Variants in SCD5 observed in about 807,000 individuals in gnomAD.
SCD5 encodes acyl-CoA-desaturase 4.
A neutral mutation model predicts 30.4 loss-of-function variants in SCD5; 20 were observed. The observed-to-expected ratio is 0.66, with a 90% confidence interval of 0.46 to 0.96. The LOEUF (loss-of-function observed/expected upper bound fraction) is 0.96. SCD5 is among the 40% of genes least tolerant of loss of function. The pLI is 0.00. For synonymous variants in SCD5, 173 were observed against 176.4 expected (o/e 0.98, Z 0.16); for missense variants, 381 against 443.3 (o/e 0.86, Z 1.26).
At chr4:82,788,804 A>G (rs1022929192) in intron 1 of SCD5, among the ~76,000 whole-genome samples, 10 of 152,220 alleles carry the variant, frequency 6.6e-5, no homozygotes, top group African/African-American at 2.4e-4. Context: ...TTCTCCTTCC[A>G]TAGGACATTG....
chr4:82,779,133 G>A (rs1238679893), intron 1 of SCD5, among the ~76,000 whole-genome samples: 2 of 151,630 alleles, frequency 1.3e-5, no homozygotes, highest in Non-Finnish European at 3.0e-5. Flanking sequence ...CCAAAGCGCT[G>A]GGATTACAGG....
chr4:82,702,685 C>T (rs191776744), intron 2 of SCD5, among the ~76,000 whole-genome samples: 1 of 152,048 alleles, frequency 6.6e-6, no homozygotes, highest in Non-Finnish European at 1.5e-5. Flanking sequence ...ATGACCATTC[C>T]GGTGAAGGAG....
chr4:82,780,917 GTGCTT>G (rs573548569), intron 1 of SCD5, among the ~76,000 whole-genome samples: 3 of 152,242 alleles, frequency 2.0e-5, no homozygotes, highest in African/African-American at 4.8e-5. Flanking sequence ...TGCTTTCACA[GTGCTT>G]TGTATTTCCT....
At chr4:82,657,968 T>C (rs1727900088) in intron 3 of SCD5, among the ~76,000 whole-genome samples, 1 of 152,226 alleles carries the variant, frequency 6.6e-6, no homozygotes, top group African/African-American at 2.4e-5. Flanking sequence ...ATCGCTGAAG[T>C]TGCTTATCAG....
intron 3 of SCD5, among the ~76,000 whole-genome samples, chr4:82,664,613 C>A (rs1728127253): frequency 6.6e-6 from 1 of 152,082 alleles, no homozygotes; most frequent in South Asian, 2.1e-4. Flanking sequence ...GAGATTTTAT[C>A]AATGTCTAAT....
At chr4:82,652,320 C>G (rs543828974) in intron 3 of SCD5, among the ~76,000 whole-genome samples, 90 of 152,288 alleles carry the variant, frequency 5.9e-4, no homozygotes, top group African/African-American at 2.1e-3. Flanking sequence ...CATAATTAAG[C>G]AAGCACAGTT....
At chr4:82,641,753 G>A (rs578226888) in intron 3 of SCD5, among the ~76,000 whole-genome samples, 3 of 152,248 alleles carry the variant, frequency 2.0e-5, no homozygotes, top group Admixed American at 2.0e-4. Flanking sequence ...GAATATGGTG[G>A]CCTGAACCTG....
intron 1 of SCD5, among the ~76,000 whole-genome samples, chr4:82,738,663 T>C (rs1720805150): frequency 6.6e-6 from 1 of 152,160 alleles, no homozygotes; most frequent in African/African-American, 2.4e-5. Context: ...AGGATCCTGG[T>C]AGACCATAGA....
intron 1 of SCD5, among the ~76,000 whole-genome samples, chr4:82,708,202 CTTGTATACATTAAATAGGTGAG>C (rs1720008042): frequency 6.6e-6 from 1 of 152,094 alleles, no homozygotes; most frequent in Non-Finnish European, 1.5e-5. Context: ...AAACAAATGA[CTTGTATACATTAAATAGGTGAG>C]TTGTACAGTA....
At chr4:82,675,843 T>G (rs577776077) in intron 3 of SCD5, among the ~76,000 whole-genome samples, 4 of 152,234 alleles carry the variant, frequency 2.6e-5, no homozygotes, top group Non-Finnish European at 5.9e-5. Context: ...GAATATGAGA[T>G]GACAAATCGC....
At chr4:82,687,173 GAAAAAAAAA>G (rs58937590) in intron 2 of SCD5, among the ~76,000 whole-genome samples, 4,042 of 108,706 alleles carry the variant, frequency 0.037, 240 homozygotes, top group African/African-American at 0.13. Flanking sequence ...CTTGTTACAA[GAAAAAAAAA>G]AAAAAAAGAA....
chr4:82,776,457 G>A (rs1456617606), intron 1 of SCD5, among the ~76,000 whole-genome samples: 1 of 152,200 alleles, frequency 6.6e-6, no homozygotes, highest in East Asian at 1.9e-4. Flanking sequence ...GGGAAAAACT[G>A]AACATGGTTG....
chr4:82,762,019 C>T (rs963493895), intron 1 of SCD5, among the ~76,000 whole-genome samples: 2 of 151,596 alleles, frequency 1.3e-5, no homozygotes, highest in African/African-American at 4.8e-5. Context: ...CAAAAAAATA[C>T]AAAAAGTAGC....
At chr4:82,733,328 T>C (rs533858881) in intron 1 of SCD5, among the ~76,000 whole-genome samples, 2 of 152,250 alleles carry the variant, frequency 1.3e-5, no homozygotes, top group South Asian at 4.1e-4. Flanking sequence ...CCTGTTACGA[T>C]GCACAGAGCA....
intron 3 of SCD5, among the ~76,000 whole-genome samples, chr4:82,673,795 C>T (rs1281049327): frequency 6.6e-6 from 1 of 152,050 alleles, no homozygotes; most frequent in Non-Finnish European, 1.5e-5. Context: ...GGTACTGGCA[C>T]AAGAACAGAC....
intron 2 of SCD5, among the ~76,000 whole-genome samples, chr4:82,687,572 A>C (rs1251515867): frequency 4.6e-5 from 7 of 152,236 alleles, no homozygotes; most frequent in Admixed American, 4.6e-4. Flanking sequence ...GTTAGCAACT[A>C]ATCAACCAAT....
chr4:82,786,885 T>C (rs565138605), intron 1 of SCD5, among the ~76,000 whole-genome samples: 5 of 152,184 alleles, frequency 3.3e-5, no homozygotes, highest in Non-Finnish European at 5.9e-5. Flanking sequence ...AAGTAGGCAT[T>C]GTACATGCCT....
At chr4:82,777,539 A>G (rs772992261) in intron 1 of SCD5, among the ~76,000 whole-genome samples, 1 of 152,216 alleles carries the variant, frequency 6.6e-6, no homozygotes, top group African/African-American at 2.4e-5. Flanking sequence ...TAGGTGTGTG[A>G]TGGTTGGTGA....
intron 2 of SCD5, among the ~76,000 whole-genome samples, chr4:82,685,455 G>A (rs992297281): frequency 6.6e-6 from 1 of 152,172 alleles, no homozygotes; most frequent in African/African-American, 2.4e-5. Context: ...GCTCATGCCT[G>A]TAATCCCAGC....
Sources: gnomAD v4.1 joint callset for allele counts (sites outside exome capture counted in the v4.1 genomes callset) on GRCh38, gnomAD v4.1.1 for gene constraint, MANE v1.5 for transcripts, NCBI Gene and HGNC (gene_info 2026-07-23, HGNC 2026-07-21) for gene names.